Variants in ZNF512 observed in about 807,000 individuals in gnomAD.
ZNF512 encodes zinc finger protein 512.
In ZNF512, 25 loss-of-function variants were observed where a neutral mutation model predicts 77.5. The ratio of observed to expected loss-of-function variants is 0.32; its 90% CI spans 0.23 to 0.45. The LOEUF is 0.45. Ranked by LOEUF, ZNF512 falls within the 20% of genes least tolerant of loss-of-function variation. The pLI is 1.00. For missense variants in ZNF512, 483 were observed against 692.6 expected, an observed-to-expected ratio of 0.70 and a Z score of 3.40; for synonymous variants, 246 against 239.9, an observed-to-expected ratio of 1.03 and a Z score of -0.24.
chr2:27,583,577 T>A, intron 1 of ZNF512, 81 bp from the exon 2 acceptor site: 1 of 1,569,868 alleles, frequency 6.4e-7, no homozygotes, highest in Non-Finnish European at 8.6e-7. Flanking sequence ...CTTCATTTCT[T>A]CTGGGCATAG....
At chr2:27,604,426 T>C (rs1342131852) in intron 9 of ZNF512, among the ~76,000 whole-genome samples, 5 of 152,230 alleles carry the variant, frequency 3.3e-5, no homozygotes, top group Non-Finnish European at 7.3e-5. Flanking sequence ...TTTACCATTT[T>C]AGTGCATAAT....
chr2:27,606,255 T>C (rs1373170379), intron 9 of ZNF512, among the ~76,000 whole-genome samples: 31 of 148,550 alleles, frequency 2.1e-4, no homozygotes, highest in Admixed American at 2.0e-3. Context: ...AACATTGTCT[T>C]TTGAAGAACA....
chr2:27,616,399 G>T, intron 12 of ZNF512, 75 bp downstream of exon 12: 8 of 1,168,676 alleles, frequency 6.8e-6, no homozygotes, highest in Non-Finnish European at 1.0e-5. Context: ...TTCAGTTTAG[G>T]TGAACAGCTA....
At chr2:27,591,560 G>A (rs867599061) in intron 2 of ZNF512, among the ~76,000 whole-genome samples, 2 of 152,098 alleles carry the variant, frequency 1.3e-5, no homozygotes, top group East Asian at 1.9e-4. Flanking sequence ...GACTACAGGC[G>A]CATGCTACCA....
In ZNF512 at chr2:27,599,665, G is replaced by C; in HGVS notation, c.360G>C (p.Lys120Asn). 1 of 1,614,102 alleles carries C rather than the reference G, an allele frequency of 6.2e-7. No individual in the cohort carries two copies. The highest frequency in any genetic ancestry group is 1.1e-5 in the South Asian group (1 of 91,078). Residue 120 changes from lysine (K) to asparagine (N), a missense_variant, in exon 4 of 14, where the codon AAG (lysine) becomes AAC (asparagine). Lys to Asn is a moderately conservative substitution (Grantham distance 94, BLOSUM62 0). Transcript: ENST00000355467. ...DEDYREFPQK[K>N]HKLYGRKQRP... is the part of the protein sequence containing the mutation. Reference sequence around the variant, plus strand: ...ACTATCGAGAATTTCCTCAGAAGAAGCATAAGCTTTATGGTAAGGCAGTAA... The same window carrying C: ...ACTATCGAGAATTTCCTCAGAAGAACCATAAGCTTTATGGTAAGGCAGTAA...
intron 2 of ZNF512, among the ~76,000 whole-genome samples, chr2:27,585,338 G>A (rs1313553182): frequency 6.6e-6 from 1 of 152,232 alleles, no homozygotes; most frequent in Non-Finnish European, 1.5e-5. Context: ...CACAAGCTGA[G>A]AGTTTTAATG....
At chr2:27,606,203 G>GT (rs148887828) in intron 9 of ZNF512, among the ~76,000 whole-genome samples, 6,816 of 151,808 alleles carry the variant, frequency 0.045, 213 homozygotes, top group Non-Finnish European at 0.071. Flanking sequence ...TATATTCTGG[G>GT]TTTTTTTATC....
intron 10 of ZNF512, among the ~76,000 whole-genome samples, chr2:27,614,058 T>C (rs751898456): frequency 2.0e-5 from 3 of 152,204 alleles, no homozygotes; most frequent in Non-Finnish European, 2.9e-5. Context: ...ATAAAAGTAT[T>C]GTGTACCCTA....
chr2:27,587,268 GTT>G (rs57745266), intron 2 of ZNF512, among the ~76,000 whole-genome samples: 2,476 of 133,000 alleles, frequency 0.019, 43 homozygotes, highest in African/African-American at 0.062. Context: ...TAATTCATGG[GTT>G]TTTTTTTTTT....
In ZNF512 at chr2:27,621,179, A is replaced by C; in HGVS notation, c.1422A>C (p.Thr474=). ...ACTGGTTCGTTGTAAACCCAACAAC[A>C]ACCAAAAGCTTTGAAAAGCTGATGA... The part of the protein sequence containing the change: ...AEDWFVVNPT[T]TKSFEKLMKI... Residue 474 remains threonine (T), a synonymous_variant, in exon 14 of 14, where the codon ACA becomes ACC. Coordinates refer to ENST00000355467, the MANE Select transcript of ZNF512 (RefSeq NM_032434.4). The C allele has an allele frequency of 3.7e-6, 6 of 1,614,012 alleles. No individual in the cohort carries two copies. Among genetic ancestry groups the C allele is most frequent in the Non-Finnish European group, 4.2e-6 (5 of 1,179,988 alleles).
intron 10 of ZNF512, among the ~76,000 whole-genome samples, chr2:27,610,514 G>GTA (rs1672577588): frequency 8.1e-6 from 1 of 123,684 alleles, no homozygotes. Context: ...ATATATATGT[G>GTA]TGTATATGTG....
intron 5 of ZNF512, 44 bp from the exon 6 acceptor site, chr2:27,600,647 G>C (rs1004254135): frequency 6.3e-6 from 10 of 1,582,092 alleles, no homozygotes; most frequent in Non-Finnish European, 8.6e-6. Flanking sequence ...TTTGTTTCTG[G>C]AGAATACTGC....
chr2:27,616,133 C>CTTTTTTT, intron 11 of ZNF512, 129 bp from the exon 12 acceptor site: 1 of 603,434 alleles, frequency 1.7e-6, no homozygotes. Flanking sequence ...ATTCTTTTTT[C>CTTTTTTT]GTTTGTTTTG....
chr2:27,610,345 C>T (rs1168746993), intron 10 of ZNF512, among the ~76,000 whole-genome samples: 2 of 142,300 alleles, frequency 1.4e-5, no homozygotes, highest in Admixed American at 1.4e-4. Flanking sequence ...GCCTGGGTGA[C>T]AGAGCAAGAC....
intron 10 of ZNF512, among the ~76,000 whole-genome samples, chr2:27,612,692 GT>G (rs1672717166): frequency 6.6e-6 from 1 of 152,022 alleles, no homozygotes; most frequent in Admixed American, 6.5e-5. Context: ...ATATAAAATA[GT>G]TTCAGAATTA....
intron 10 of ZNF512, among the ~76,000 whole-genome samples, chr2:27,611,697 ATT>A (rs1265896912): frequency 1.9e-4 from 26 of 136,966 alleles, no homozygotes; most frequent in Middle Eastern, 3.9e-3. Flanking sequence ...TGCCAGTAGC[ATT>A]TTTTTTTTTT....
rs1440034699 is a variant in ZNF512 at position 27,610,581 on chromosome 2, T to C, written c.1131+2542T>C. ...ATATATATATATATTTTTTTTTTTT[T>C]TTTTTTTTTTTTTTTTTTTGAGACA... On this transcript the variant is annotated intron_variant, in intron 10 of 13. Transcript: ENST00000355467. 3.5e-3 allele frequency among the ~76,000 whole-genome samples: 179 copies of C among 51,450 alleles called. 4 individuals carry two copies. The highest frequency in any genetic ancestry group is 0.012 in the African/African-American group (122 of 10,482). 33.8% of individuals were successfully genotyped at this position (51,450 alleles called of 152,430 possible).
chr2:27,601,560 C>A (rs1391123671), intron 7 of ZNF512, 118 bp downstream of exon 7: 7 of 786,460 alleles, frequency 8.9e-6, no homozygotes, highest in Non-Finnish European at 1.4e-5. Flanking sequence ...CTGCAACCTC[C>A]ACCTCCTGGT....
At chr2:27,586,700 C>T (rs535181106) in intron 2 of ZNF512, among the ~76,000 whole-genome samples, 1 of 152,276 alleles carries the variant, frequency 6.6e-6, no homozygotes, top group African/African-American at 2.4e-5. Flanking sequence ...CCCGTGAAAC[C>T]ATTGCCACAA....
Sources: allele counts gnomAD v4.1 joint callset (sites outside exome capture counted in the v4.1 genomes callset), GRCh38; gene constraint gnomAD v4.1.1; transcripts MANE v1.5; gene names NCBI Gene and HGNC (gene_info 2026-07-23, HGNC 2026-07-21).